HMCN1: variants seen among roughly 807,000 people sequenced by gnomAD.
HMCN1 encodes the protein hemicentin-1.
In HMCN1, 321 loss-of-function variants were observed where a neutral mutation model predicts 625.9. The ratio of observed to expected loss-of-function variants is 0.51; its 90% CI spans 0.47 to 0.56. HMCN1 has a LOEUF of 0.56. Ranked by LOEUF, HMCN1 falls within the 20% of genes least tolerant of loss-of-function variation. The pLI is 0.00. For missense variants in HMCN1, 6,588 were observed against 6,887.3 expected (o/e 0.96, Z 1.54); for synonymous variants, 2,425 against 2,417.6 (o/e 1.00, Z -0.09).
At position 186,178,427 on chromosome 1, in the gene HMCN1, T is replaced by C; in HGVS notation, c.15955T>C (p.Cys5319Arg). The C allele has an allele frequency of 6.2e-7, 1 of 1,613,514 alleles. No individual in the cohort carries two copies. The highest frequency in any genetic ancestry group is 2.2e-5 in the East Asian group (1 of 44,878). ...VGRPCMDINE[C>R]EQVPKPCAHQ... ...TGGCATACGAGCAGACATTAATGAA[T>C]GTGAACAAGTGCCTAAACCTTGTGC... Residue 5319 changes from cysteine (C) to arginine (R), a missense_variant, in exon 104 of 107, where the codon TGT becomes CGT. Physicochemically the swap from Cys to Arg is radical, Grantham distance 180 (BLOSUM62 -3). This residue lies in a region of HMCN1 where 1,954 missense variants were observed against 2,013.1 expected (regional missense o/e 0.97). Transcript: ENST00000271588.
chr1:186,137,233 G>C lies in HMCN1; in HGVS notation c.13583-265G>C, dbSNP rs529966349. 5.3e-4 allele frequency among the ~76,000 whole-genome samples: 81 copies of C among 152,282 alleles called. 1 individual carries two copies. Among genetic ancestry groups the C allele is most frequent in the Non-Finnish European group, 7.5e-4 (51 of 68,026 alleles). On this transcript the variant is annotated intron_variant, in intron 87 of 106. Coordinates refer to ENST00000271588, the MANE Select transcript of HMCN1 (RefSeq NM_031935.3). ...TGCAAAGAATGACTTATGTCCAAAAGGTGAACAGTTTGTAAACTTGTTGGT... is the reference window on the plus strand; with the variant it reads ...TGCAAAGAATGACTTATGTCCAAAACGTGAACAGTTTGTAAACTTGTTGGT...
intron 1 of HMCN1, among the ~76,000 whole-genome samples, chr1:185,842,756 T>C (rs989319054): frequency 4.0e-5 from 6 of 151,530 alleles, no homozygotes; most frequent in African/African-American, 1.5e-4. Context: ...TTTAAAAATA[T>C]CTAGGCATGT....
intron 1 of HMCN1, among the ~76,000 whole-genome samples, chr1:185,778,707 G>T (rs2102165797): frequency 6.6e-6 from 1 of 152,142 alleles, no homozygotes; most frequent in South Asian, 2.1e-4. Context: ...AGTATTCCAT[G>T]GTGTATATGT....
chr1:185,897,891 T>A (rs1665577133), intron 4 of HMCN1, among the ~76,000 whole-genome samples: 1 of 152,218 alleles, frequency 6.6e-6, no homozygotes. Context: ...TTACTTTTCC[T>A]TGTTATGCAT....
chr1:185,969,606 C>G (rs1650668056), intron 14 of HMCN1, among the ~76,000 whole-genome samples: 1 of 152,096 alleles, frequency 6.6e-6, no homozygotes, highest in Non-Finnish European at 1.5e-5. Context: ...GGCTTGACAT[C>G]TGGGAATGCT....
At chr1:185,992,563 G>A (rs1652500929) in intron 22 of HMCN1, among the ~76,000 whole-genome samples, 2 of 152,100 alleles carry the variant, frequency 1.3e-5, no homozygotes, top group Admixed American at 1.3e-4. Flanking sequence ...ATTACATGTT[G>A]AGTTTTCAAA....
intron 1 of HMCN1, among the ~76,000 whole-genome samples, chr1:185,841,913 C>A (rs1661499868): frequency 6.6e-6 from 1 of 152,108 alleles, no homozygotes; most frequent in Non-Finnish European, 1.5e-5. Context: ...TATGTAATAA[C>A]CTTTTTGGTA....
rs1656020610 is a variant in HMCN1 at position 186,038,941 on chromosome 1, A to G, written c.5964A>G (p.Ile1988Met). The G allele has an allele frequency of 6.2e-7, 1 of 1,612,422 alleles. No individual in the cohort carries two copies. Among genetic ancestry groups the G allele is most frequent in the South Asian group, 1.1e-5 (1 of 91,066 alleles). ...GTGCCCAGATCTCAGATGCTGGCAT[A>G]TATAAATGCGTGGCCATCAACTCAG... ...IESAQISDAG[I>M]YKCVAINSAG... The change falls in exon 38 of 107, where the codon ATA (isoleucine) becomes ATG (methionine). Residue 1988 changes from isoleucine (I) to methionine (M), a missense_variant. By Grantham distance (10) the Ile-to-Met change is conservative. Around this residue, in one of 3 missense-constraint regions of HMCN1, gnomAD observed 4,628 missense variants for 4,853.1 expected, o/e 0.95. Coordinates refer to ENST00000271588, the MANE Select transcript of HMCN1 (RefSeq NM_031935.3).
At chr1:185,877,321 C>CTTTTTTTTTT (rs71557837) in intron 4 of HMCN1, among the ~76,000 whole-genome samples, 5 of 34,908 alleles carry the variant, frequency 1.4e-4, no homozygotes, top group African/African-American at 2.0e-4. Context: ...ATGTGTCTTT[C>CTTTTTTTTTT]TTTTTTTTTT....
In HMCN1 at chr1:186,057,387, T is replaced by C; in HGVS notation, c.7298T>C (p.Val2433Ala). 6.2e-7 allele frequency: 1 copy of C among 1,608,246 alleles called. No homozygotes were observed. The highest frequency in any genetic ancestry group is 1.3e-5 in the African/African-American group (1 of 74,834). ...DGWPVSLSNS[V>A]RILSGGRMLR... ...TGGCCTGTCAGCCTTAGCAATTCTG[T>C]GAGGATTCTTTCAGGTATTAGAAAT... The change falls in exon 46 of 107, where the codon GTG (valine) becomes GCG (alanine). Residue 2433 changes from valine (V) to alanine (A), a missense_variant. Physicochemically the swap from Val to Ala is moderately conservative, Grantham distance 64. This residue lies in a region of HMCN1 where 4,628 missense variants were observed against 4,853.1 expected (regional missense o/e 0.95). Transcript: ENST00000271588.
chr1:185,940,684 G>T (rs1571589395), intron 11 of HMCN1, among the ~76,000 whole-genome samples: 1 of 152,176 alleles, frequency 6.6e-6, no homozygotes, highest in South Asian at 2.1e-4. Context: ...TTTTGAGAAG[G>T]CTGGCTAATG....
intron 1 of HMCN1, among the ~76,000 whole-genome samples, chr1:185,819,332 C>G (rs968782293): frequency 4.0e-5 from 6 of 151,886 alleles, no homozygotes; most frequent in African/African-American, 1.2e-4. Context: ...CATTGAGGAC[C>G]ATTGTAGGCA....
rs1659465277 is a variant in HMCN1, at chr1:186,086,233, T to C, written c.8885-13T>C. The C allele has an allele frequency of 1.9e-6, 3 of 1,602,792 alleles. No homozygotes were observed. The highest frequency in any genetic ancestry group is 2.2e-5 in the East Asian group (1 of 44,774). ...AACACCTGCTTTCACTTTTAATATA[T>C]TTACTATTATAGTTCCTCCAAGTGT... On this transcript the variant is annotated splice_polypyrimidine_tract_variant and intron_variant, in intron 57 of 106. Coordinates refer to ENST00000271588, the MANE Select transcript of HMCN1 (RefSeq NM_031935.3).
At chr1:185,831,466 C>T (rs1313237270) in intron 1 of HMCN1, among the ~76,000 whole-genome samples, 1 of 152,124 alleles carries the variant, frequency 6.6e-6, no homozygotes, top group Non-Finnish European at 1.5e-5. Context: ...ACTAGAAGCA[C>T]TTGATAATTT....
In HMCN1 at chr1:186,067,854, G is replaced by A. The variant is rs772009488; in HGVS notation, c.7726G>A (p.Val2576Ile). The part of the protein sequence containing the change: ...NVFVSPTIAG[V>I]GSDGNPEDVT... ...TTCAGTATCTCCTACAATTGCTGGT[G>A]TAGGTAGTGATGGCAACCCTGAAGA... Residue 2576 changes from valine (V) to isoleucine (I), a missense_variant, in exon 50 of 107, where the codon GTA (valine) becomes ATA (isoleucine). Around this residue, in one of 3 missense-constraint regions of HMCN1, gnomAD observed 4,628 missense variants for 4,853.1 expected, o/e 0.95. Coordinates refer to ENST00000271588, the MANE Select transcript of HMCN1 (RefSeq NM_031935.3). The A allele has an allele frequency of 1.9e-6, 3 of 1,611,952 alleles. No homozygotes were observed. The highest frequency in any genetic ancestry group is 2.2e-5 in the East Asian group (1 of 44,848).
At chr1:186,172,700 G>A (rs928499297) in intron 102 of HMCN1, among the ~76,000 whole-genome samples, 2 of 152,100 alleles carry the variant, frequency 1.3e-5, no homozygotes, top group African/African-American at 4.8e-5. Flanking sequence ...GCTAGCAACT[G>A]CAGGATTTAC....
In HMCN1 at chr1:186,026,534, G is replaced by A. The variant is rs370413635; in HGVS notation, c.5749+3381G>A. ...AATTCTTGTTCTATGTATTAAAAAGGGCATTGCAAAACCCATGGGGAAGCA... is the reference window on the plus strand; with the variant it reads ...AATTCTTGTTCTATGTATTAAAAAGAGCATTGCAAAACCCATGGGGAAGCA... On this transcript the variant is annotated intron_variant, in intron 36 of 106. Transcript: ENST00000271588. Among the ~76,000 whole-genome samples, 7 of 152,074 alleles carry A rather than the reference G, an allele frequency of 4.6e-5. No homozygotes were observed. The East Asian group carries it at 5.8e-4, about 13-fold the overall frequency.
At chr1:186,134,551 G>C (rs924467028) in intron 86 of HMCN1, among the ~76,000 whole-genome samples, 6 of 152,120 alleles carry the variant, frequency 3.9e-5, no homozygotes, top group Non-Finnish European at 7.4e-5. Context: ...GCATAAGTCA[G>C]AGTAATGCTT....
intron 11 of HMCN1, among the ~76,000 whole-genome samples, chr1:185,953,887 G>C (rs567820696): frequency 2.2e-3 from 336 of 151,052 alleles, no homozygotes; most frequent in African/African-American, 7.8e-3. Flanking sequence ...ATAGGGGTGG[G>C]GCCGTTTTAT....
Sources: gnomAD v4.1 joint callset for allele counts (sites outside exome capture counted in the v4.1 genomes callset) on GRCh38, gnomAD v4.1.1 for gene constraint, gnomAD v4.1.1 regional missense constraint, MANE v1.5 for transcripts, NCBI Gene and HGNC (gene_info 2026-07-23, HGNC 2026-07-21) for gene names.